The following IGLON5 variants were observed in gnomAD, a reference collection of about 807,000 sequenced individuals.
IGLON5 encodes Ig-like domain-containing protein ENSP00000270642.
Under a neutral mutation model 38.2 loss-of-function variants are expected in IGLON5, and 16 were observed. The ratio of observed to expected loss-of-function variants is 0.42; its 90% CI spans 0.28 to 0.64. The LOEUF is 0.64. Among genes scored for constraint, IGLON5 ranks in the 30% least tolerant of loss-of-function variants. IGLON5 has a pLI of 0.23. For missense variants in IGLON5, 366 were observed against 483.4 expected, an observed-to-expected ratio of 0.76 and a Z score of 2.28; for synonymous variants, 207 against 216.4, an observed-to-expected ratio of 0.96 and a Z score of 0.38.
At chr19:51,322,613 TC>T (rs1271891524) in intron 2 of IGLON5, among the ~76,000 whole-genome samples, 2 of 150,992 alleles carry the variant, frequency 1.3e-5, no homozygotes, top group East Asian at 3.9e-4. Context: ...TCTCTCTCTC[TC>T]TCTGTTTCTG....
At chr19:51,311,967 A>T in intron 1 of IGLON5, 41 bp downstream of exon 1, 6 of 1,087,420 alleles carry the variant, frequency 5.5e-6, no homozygotes, top group Non-Finnish European at 7.1e-6. Context: ...CCGGGACGCC[A>T]GGGTCTTGGG....
At chr19:51,318,548 G>A (rs1352636601) in intron 1 of IGLON5, among the ~76,000 whole-genome samples, 2 of 151,872 alleles carry the variant, frequency 1.3e-5, no homozygotes, top group Non-Finnish European at 2.9e-5. Flanking sequence ...AACCAGCCTG[G>A]GCAACATGGC....
In IGLON5 at chr19:51,330,872, C is replaced by G. The variant is rs1045068841; in HGVS notation, c.*2113C>G. Among the ~76,000 whole-genome samples the G allele has an allele frequency of 3.3e-5, 5 of 152,102 alleles. No individual in the cohort carries two copies. The highest frequency in any genetic ancestry group is 2.1e-4 in the South Asian group (1 of 4,824). On this transcript the variant is annotated 3_prime_UTR_variant, in exon 8 of 8. Coordinates refer to ENST00000270642, the MANE Select transcript of IGLON5 (RefSeq NM_001101372.3). ...TTTTCACTTATATAAGCAATAAAGT[C>G]CCCTGTATATTTAAACCAATTTGCA...
At chr19:51,315,123 C>T (rs551298658) in intron 1 of IGLON5, among the ~76,000 whole-genome samples, 27 of 147,548 alleles carry the variant, frequency 1.8e-4, no homozygotes, top group African/African-American at 6.3e-4. Flanking sequence ...CCAACACACA[C>T]GCACCCCCTC....
rs542200394 is a variant in IGLON5 at position 51,317,983 on chromosome 19, T to C, written c.80-4081T>C. Among the ~76,000 whole-genome samples, 14 of 152,256 alleles carry C rather than the reference T, an allele frequency of 9.2e-5. No homozygotes were observed. The East Asian group carries it at 2.5e-3, about 27-fold the overall frequency. ...GGTCTCTGAGGACCATCCATGCCCT[T>C]TCCACAAACACTTCCCAGTTCTGAG... is the stretch of plus-strand genomic sequence containing the variant. On this transcript the variant is annotated intron_variant, in intron 1 of 7. Coordinates refer to ENST00000270642, the MANE Select transcript of IGLON5 (RefSeq NM_001101372.3).
chr19:51,317,635 C>T (rs950153668), intron 1 of IGLON5, among the ~76,000 whole-genome samples: 8 of 152,188 alleles, frequency 5.3e-5, no homozygotes, highest in African/African-American at 7.2e-5. Context: ...CTGCCCTCCC[C>T]GCTCCCCTGA....
At chr19:51,326,639 A>T in intron 4 of IGLON5, 125 bp from the exon 5 acceptor site, 4 of 23,862 alleles carry the variant, frequency 1.7e-4, no homozygotes, top group Non-Finnish European at 3.5e-4. Context: ...CCCCACCCCC[A>T]TTGACCCGGG....
At chr19:51,313,637 C>CCTTTTT (rs1984827916) in intron 1 of IGLON5, among the ~76,000 whole-genome samples, 1 of 110,152 alleles carries the variant, frequency 9.1e-6, no homozygotes, top group African/African-American at 6.2e-5. Flanking sequence ...CTTTTTCTCT[C>CCTTTTT]TCTCTCTCTT....
rs191329997 is a variant in IGLON5 at position 51,312,070 on chromosome 19, T to C, written c.79+144T>C. 3,397 of 386,344 alleles carry C rather than the reference T, an allele frequency of 8.8e-3. 54 individuals are homozygous for C. The highest frequency in any genetic ancestry group is 0.037 in the African/African-American group (1,705 of 45,816). 23.9% of individuals were successfully genotyped at this position (386,344 alleles called of 1,614,324 possible). The stretch of plus-strand genomic sequence containing the variant: ...GGACGCCGGGGTCTGGGCCCGGGGG[T>C]GGGGTCTGCATTCCCTGGCTGGGCA... On this transcript the variant is annotated intron_variant, in intron 1 of 7. Transcript: ENST00000270642.
In IGLON5 at chr19:51,322,159, G is replaced by A; in HGVS notation, c.158+17G>A. Reference sequence around the variant, plus strand: ...CACCCTCAGGTACCTCCCTCGGTGGGTGGGGACTCAGATCTCATGGAGCCA... The same window carrying A: ...CACCCTCAGGTACCTCCCTCGGTGGATGGGGACTCAGATCTCATGGAGCCA... On this transcript the variant is annotated intron_variant, in intron 2 of 7. Coordinates refer to ENST00000270642, the MANE Select transcript of IGLON5 (RefSeq NM_001101372.3). The A allele has an allele frequency of 6.3e-7, 1 of 1,597,626 alleles. No homozygotes were observed. The highest frequency in any genetic ancestry group is 8.6e-7 in the Non-Finnish European group (1 of 1,167,474).
rs539776946 is a variant in IGLON5, at chr19:51,325,528, C to T, written c.511+63C>T. 4 of 1,490,188 alleles carry T rather than the reference C, an allele frequency of 2.7e-6. No individual in the cohort carries two copies. Among genetic ancestry groups the T allele is most frequent in the East Asian group, 4.9e-5 (2 of 41,004 alleles). 92.3% of individuals were successfully genotyped at this position (1,490,188 alleles called of 1,614,324 possible). ...ACTGCGCAGTCTGGGCCCCTCCATT[C>T]CCCATATCCCTAGCTAGTTTCCCCA... On this transcript the variant is annotated intron_variant, in intron 4 of 7. Transcript: ENST00000270642. This position sits in a 1 kb window ranked among gnomAD's most constrained non-coding sequence, Gnocchi z 5.5.
chr19:51,320,826 G>C (rs1311000488), intron 1 of IGLON5, among the ~76,000 whole-genome samples: 2 of 152,192 alleles, frequency 1.3e-5, no homozygotes. Flanking sequence ...TTATGTGTAT[G>C]CCTTCGGTAC....
rs769000562 is a variant in IGLON5, at chr19:51,327,041, C to G, written c.647-39C>G. 6 of 1,599,858 alleles carry G rather than the reference C, an allele frequency of 3.8e-6. No individual in the cohort carries two copies. The highest frequency in any genetic ancestry group is 3.5e-5 in the Admixed American group (2 of 57,856). ...TGGGGGCGGGACCCCTTCGTCCCCA[C>G]GCGGCTAGGAGAATTCGCTGACCCT... On this transcript the variant is annotated intron_variant, in intron 5 of 7. Coordinates refer to ENST00000270642, the MANE Select transcript of IGLON5 (RefSeq NM_001101372.3). The surrounding 1 kb of genome is among the most constrained non-coding windows in gnomAD (Gnocchi z 7.1).
chr19:51,328,868 C>T lies in IGLON5; in HGVS notation c.*109C>T. On this transcript the variant is annotated 3_prime_UTR_variant, in exon 8 of 8. Transcript: ENST00000270642. ...TCGTGGGGGCAGAAGAGCTCTCGGCCACCAAGGAAGAAGAGAGAGGAGAAG... is the reference window on the plus strand; with the variant it reads ...TCGTGGGGGCAGAAGAGCTCTCGGCTACCAAGGAAGAAGAGAGAGGAGAAG... The T allele has an allele frequency of 6.1e-6, 4 of 655,658 alleles. No homozygotes were observed. In the South Asian group the frequency reaches 8.7e-5, roughly 14 times the overall value. 40.6% of individuals were successfully genotyped at this position (655,658 alleles called of 1,614,324 possible).
rs10408816 is a variant in IGLON5, at chr19:51,325,780, G to A, written c.511+315G>A. ...CGCGCTCACAGCATTCTCCTGGGCTGAGATCCCCTGCCACTAGGTGCCCTA... is the reference window on the plus strand; with the variant it reads ...CGCGCTCACAGCATTCTCCTGGGCTAAGATCCCCTGCCACTAGGTGCCCTA... On this transcript the variant is annotated intron_variant, in intron 4 of 7. Coordinates refer to ENST00000270642, the MANE Select transcript of IGLON5 (RefSeq NM_001101372.3). This position sits in a 1 kb window ranked among gnomAD's most constrained non-coding sequence, Gnocchi z 5.5. Among the ~76,000 whole-genome samples the A allele has an allele frequency of 0.56, 84,377 of 151,640 alleles. 23,873 individuals are homozygous for A. Among genetic ancestry groups the A allele is most frequent in the African/African-American group, 0.64 (26,439 of 41,328 alleles).
At chr19:51,318,332 A>G (rs1984972191) in intron 1 of IGLON5, among the ~76,000 whole-genome samples, 1 of 152,154 alleles carries the variant, frequency 6.6e-6, no homozygotes, top group Non-Finnish European at 1.5e-5. Context: ...CCCCCAAGAA[A>G]CTTCTAGTCT....
intron 1 of IGLON5, among the ~76,000 whole-genome samples, chr19:51,321,522 G>T (rs1006700487): frequency 6.6e-6 from 1 of 152,002 alleles, no homozygotes; most frequent in Non-Finnish European, 1.5e-5. Flanking sequence ...TATGTGTGTC[G>T]CTGTACTCTG....
In IGLON5 at chr19:51,327,369, G is replaced by A. The variant is rs887287559; in HGVS notation, c.767+169G>A. On this transcript the variant is annotated intron_variant, in intron 6 of 7. Coordinates refer to ENST00000270642, the MANE Select transcript of IGLON5 (RefSeq NM_001101372.3). This position sits in a 1 kb window ranked among gnomAD's most constrained non-coding sequence, Gnocchi z 7.1. ...GGGATCTGTCCAGCCCCGGAGACAA[G>A]CTTGGGTCCCCGCTTGATGAATGCT... 9.2e-5 allele frequency among the ~76,000 whole-genome samples: 14 copies of A among 152,296 alleles called. No homozygotes were observed. Among genetic ancestry groups the A allele is most frequent in the African/African-American group, 2.4e-4 (10 of 41,564 alleles).
rs68055760 is a variant in IGLON5, at chr19:51,325,844, T to C, written c.511+379T>C. Among the ~76,000 whole-genome samples the C allele has an allele frequency of 0.4, 36,907 of 93,308 alleles. 5,439 individuals carry two copies. Among genetic ancestry groups the C allele is most frequent in the East Asian group, 0.53 (2,632 of 4,956 alleles). The allele number at this position is 93,308 out of a possible 152,430, so 61.2% of individuals were successfully genotyped here. A position where few individuals can be genotyped will look rare whatever the true frequency, so the allele number is the denominator to read the frequency against. On this transcript the variant is annotated intron_variant, in intron 4 of 7. Coordinates refer to ENST00000270642, the MANE Select transcript of IGLON5 (RefSeq NM_001101372.3). This position sits in a 1 kb window ranked among gnomAD's most constrained non-coding sequence, Gnocchi z 5.5. The stretch of plus-strand genomic sequence containing the variant: ...CAGCGGTCCTGCGTACATCTCTGCC[T>C]CTCTCTTCTGCTGGACGCTCTAGCC...
Sources: gnomAD v4.1 joint callset for allele counts (sites outside exome capture counted in the v4.1 genomes callset) on GRCh38, gnomAD v4.1.1 for gene constraint, Gnocchi (gnomAD v3.1) non-coding constraint, MANE v1.5 for transcripts, NCBI Gene and HGNC (gene_info 2026-07-23, HGNC 2026-07-21) for gene names.